The following PEG3 variants were observed in gnomAD, a reference collection of about 807,000 sequenced individuals.
The protein encoded by PEG3 is paternally-expressed gene 3 protein.
A neutral mutation model predicts 35.5 loss-of-function variants in PEG3; 23 were observed. The ratio of observed to expected loss-of-function variants is 0.65; its 90% CI spans 0.47 to 0.92. The LOEUF (loss-of-function observed/expected upper bound fraction) is 0.92, where lower values mean the gene tolerates loss of function less well. PEG3 is among the 40% of genes least tolerant of loss of function. PEG3 has a pLI of 0.00. For missense variants in PEG3, 1,960 were observed against 1,985.3 expected (o/e 0.99, Z 0.24); for synonymous variants, 707 against 697.0 (o/e 1.01, Z -0.23).
intron 3 of PEG3, among the ~76,000 whole-genome samples, chr19:56,825,349 A>G (rs1043540490): frequency 3.3e-5 from 5 of 152,252 alleles, no homozygotes; most frequent in African/African-American, 1.2e-4. Context: ...GTGAGAAGTG[A>G]CCATTGAGCC....
At chr19:56,840,147 G>A (rs930669695) in intron 1 of PEG3, among the ~76,000 whole-genome samples, 44 of 152,312 alleles carry the variant, frequency 2.9e-4, no homozygotes, top group African/African-American at 1.0e-3. Context: ...CCCGAGAGCC[G>A]CATTCCGCCG....
intron 7 of PEG3, among the ~76,000 whole-genome samples, chr19:56,819,223 G>A (rs117979060): frequency 0.012 from 1,826 of 152,234 alleles, 18 homozygotes; most frequent in Non-Finnish European, 0.017. Flanking sequence ...GAAGACATCT[G>A]GTCAGGATGT....
In PEG3 at chr19:56,836,049, T is replaced by A; in HGVS notation, c.-194A>T. On this transcript the variant is annotated 5_prime_UTR_variant, in exon 2 of 10. Transcript: ENST00000326441. ...CCAGCCACCTAGCGTTTGGACCTAGTCCCTCTTCCTCTCGCCAGTCGTCTC... is the reference window on the plus strand; with the variant it reads ...CCAGCCACCTAGCGTTTGGACCTAGACCCTCTTCCTCTCGCCAGTCGTCTC... 2.0e-6 allele frequency: 1 copy of A among 509,796 alleles called. No individual in the cohort carries two copies. Among genetic ancestry groups the A allele is most frequent in the South Asian group, 1.4e-5 (1 of 69,142 alleles). 31.6% of individuals were successfully genotyped at this position (509,796 alleles called of 1,614,324 possible).
chr19:56,822,809 C>T lies in PEG3; in HGVS notation c.509G>A (p.Arg170Lys), dbSNP rs1173724173. 2 of 1,614,020 alleles carry T rather than the reference C, an allele frequency of 1.2e-6. No homozygotes were observed. The highest frequency in any genetic ancestry group is 1.3e-5 in the African/African-American group (1 of 74,936). ...GTCTCGTGGCTCCATGTCTCTGCTT[C>T]TGCCCCTCCGGTCCCAGTCCCGGTC... Reference protein sequence around the residue: ...FSDRDWDRRGRSRDMEPRDRW... With the variant: ...FSDRDWDRRGKSRDMEPRDRW... Residue 170 changes from arginine to lysine, a missense_variant, in exon 6 of 10, where the codon AGA (arginine) becomes AAA (lysine). Physicochemically the swap from Arg to Lys is conservative, Grantham distance 26 (BLOSUM62 2). This residue lies in a region of PEG3 where 613 missense variants were observed against 577.1 expected (regional missense o/e 1.06). Coordinates refer to ENST00000326441, the MANE Select transcript of PEG3 (RefSeq NM_006210.3).
At position 56,814,112 on chromosome 19, in the gene PEG3, C is replaced by G. The variant is rs150561309; in HGVS notation, c.4330G>C (p.Glu1444Gln). 1 of 1,614,034 alleles carries G rather than the reference C, an allele frequency of 6.2e-7. No homozygotes were observed. The highest frequency in any genetic ancestry group is 1.3e-5 in the African/African-American group (1 of 74,926). ...TCATCAGCATCCCCATTTGGCTGCT[C>G]GGCCTCTCCATTTGGCTGTCCAGCC... The part of the protein sequence containing the change: ...GEAGQPNGEA[E>Q]QPNGDADEPD... Residue 1444 changes from glutamate to glutamine, a missense_variant, in exon 10 of 10, where the codon GAG (glutamate) becomes CAG (glutamine). Physicochemically the swap from Glu to Gln is conservative, Grantham distance 29 (BLOSUM62 2). Transcript: ENST00000326441. This position sits in a 1 kb window ranked among gnomAD's most constrained non-coding sequence, Gnocchi z 5.8.
chr19:56,829,794 T>G lies in PEG3; in HGVS notation c.-162-3331A>C, dbSNP rs555845371. Among the ~76,000 whole-genome samples, 5 of 152,306 alleles carry G rather than the reference T, an allele frequency of 3.3e-5. No individual in the cohort carries two copies. In the South Asian group the frequency reaches 1.0e-3, roughly 32 times the overall value. ...GGCCACATACTTACCTCACCCTGAC[T>G]GGGGAAGACCAGATCCCACGTGACC... On this transcript the variant is annotated intron_variant, in intron 2 of 9. Transcript: ENST00000326441.
intron 1 of PEG3, 25 bp downstream of exon 1, chr19:56,840,557 G>T (rs2062905519): frequency 6.6e-6 from 1 of 152,306 alleles, no homozygotes; most frequent in Non-Finnish European, 1.5e-5. Flanking sequence ...CAGGAGGCGC[G>T]CGGGGCGGCC....
At chr19:56,824,876 A>G (rs2060870398) in intron 3 of PEG3, 135 bp from the exon 4 acceptor site, 3 of 529,520 alleles carry the variant, frequency 5.7e-6, no homozygotes, top group Non-Finnish European at 6.8e-6. Flanking sequence ...AACCGCACAA[A>G]GTTGGCCTCA....
At chr19:56,821,601 G>A (rs748842216) in intron 7 of PEG3, 50 bp downstream of exon 7, 22 of 1,602,332 alleles carry the variant, frequency 1.4e-5, no homozygotes, top group South Asian at 1.1e-5. Context: ...AGGCGTCTCT[G>A]CCATGAAATG....
intron 7 of PEG3, among the ~76,000 whole-genome samples, chr19:56,820,619 G>C (rs909108493): frequency 1.3e-5 from 2 of 152,076 alleles, no homozygotes; most frequent in Non-Finnish European, 2.9e-5. Context: ...CGTGCTCCTG[G>C]CTCTAAATGG....
chr19:56,814,624 T>C lies in PEG3; in HGVS notation c.3818A>G (p.Gln1273Arg), dbSNP rs1482862557. 6.2e-7 allele frequency: 1 copy of C among 1,614,168 alleles called. No individual in the cohort carries two copies. The highest frequency in any genetic ancestry group is 1.1e-5 in the South Asian group (1 of 91,080). The change falls in exon 10 of 10, where the codon CAG becomes CGG. Residue 1273 changes from glutamine to arginine, a missense_variant. Around this residue, in one of 5 missense-constraint regions of PEG3, gnomAD observed 416 missense variants for 416.7 expected, o/e 1.00. Coordinates refer to ENST00000326441, the MANE Select transcript of PEG3 (RefSeq NM_006210.3). This position sits in a 1 kb window ranked among gnomAD's most constrained non-coding sequence, Gnocchi z 5.8. ...IIPGLALTEF[Q>R]RSQTEERLFE... is the part of the protein sequence containing the mutation. ...GAGTCTCTCTTCGGTCTGACTTCTCTGAAACTCAGTGAGGGCTAAGCCTGG... is the reference window on the plus strand; with the variant it reads ...GAGTCTCTCTTCGGTCTGACTTCTCCGAAACTCAGTGAGGGCTAAGCCTGG...
At position 56,811,896 on chromosome 19, in the gene PEG3, G is replaced by C. The variant is rs757507442; in HGVS notation, c.*1779C>G. The stretch of plus-strand genomic sequence containing the variant: ...TCTGTCTGTCTCCTCTCCCCTCCTA[G>C]ATCTGGTGATATATTAGGACTCCCT... On this transcript the variant is annotated 3_prime_UTR_variant, in exon 10 of 10. Transcript: ENST00000326441. 140 of 984,864 alleles carry C rather than the reference G, an allele frequency of 1.4e-4. No individual in the cohort carries two copies. The highest frequency in any genetic ancestry group is 1.6e-4 in the Non-Finnish European group (135 of 829,640). The allele number at this position is 984,864 out of a possible 1,614,324, so 61.0% of individuals were successfully genotyped here.
At position 56,824,299 on chromosome 19, in the gene PEG3, A is replaced by C. The variant is rs747855807; in HGVS notation, c.357T>G (p.Thr119=). The C allele has an allele frequency of 1.4e-5, 22 of 1,613,912 alleles. No individual in the cohort carries two copies. The Admixed American group carries it at 1.7e-4, about 12-fold the overall frequency. Residue 119 remains threonine (T), a synonymous_variant, in exon 4 of 10, where the codon ACT becomes ACG. Coordinates refer to ENST00000326441, the MANE Select transcript of PEG3 (RefSeq NM_006210.3). Reference sequence around the variant, plus strand: ...ACATCTCCTTGTAATTCTCCAGCAGAGTGACGAGCTTCTCACAGTTCTCCG... The same window carrying C: ...ACATCTCCTTGTAATTCTCCAGCAGCGTGACGAGCTTCTCACAGTTCTCCG... The part of the protein sequence containing the change: ...KKPENCEKLV[T]LLENYKEMYQ...
At chr19:56,836,969 CAAAAAAAAAAAAAAAAAA>C (rs573566620) in intron 1 of PEG3, among the ~76,000 whole-genome samples, 2,202 of 117,010 alleles carry the variant, frequency 0.019, 34 homozygotes, top group South Asian at 0.03. Flanking sequence ...GACTCTGTCT[CAAAAAAAAAAAAAAAAAA>C]AAAAAAAAAA....
intron 2 of PEG3, among the ~76,000 whole-genome samples, chr19:56,830,121 C>T (rs986290572): frequency 5.3e-5 from 8 of 152,222 alleles, no homozygotes; most frequent in African/African-American, 1.9e-4. Flanking sequence ...CAACAGAGCA[C>T]CTGTATTTAT....
At chr19:56,837,568 G>A (rs1275582872) in intron 1 of PEG3, among the ~76,000 whole-genome samples, 7 of 152,190 alleles carry the variant, frequency 4.6e-5, no homozygotes, top group Non-Finnish European at 8.8e-5. Flanking sequence ...TGGCTTTGGC[G>A]CCCCCTGGAG....
chr19:56,817,653 C>T lies in PEG3; in HGVS notation c.863-74G>A, dbSNP rs563430574. The T allele has an allele frequency of 4.6e-6, 7 of 1,518,234 alleles. No individual in the cohort carries two copies. In the East Asian group the frequency reaches 1.6e-4, roughly 34 times the overall value. 94.0% of individuals were successfully genotyped at this position (1,518,234 alleles called of 1,614,324 possible). Reference sequence around the variant, plus strand: ...ACAGTGGGACTTGGAGGGGTGCACCCTTCTGTGATGTTTAGGAATGCAAAG... The same window carrying T: ...ACAGTGGGACTTGGAGGGGTGCACCTTTCTGTGATGTTTAGGAATGCAAAG... On this transcript the variant is annotated intron_variant, in intron 9 of 9. Transcript: ENST00000326441.
intron 2 of PEG3, chr19:56,833,060 T>TG: frequency 2.2e-6 from 1 of 453,368 alleles, no homozygotes; most frequent in Non-Finnish European, 4.4e-6. Context: ...GATGGGTCAG[T>TG]GTTCAACTGA....
intron 7 of PEG3, among the ~76,000 whole-genome samples, 170 bp downstream of exon 7, chr19:56,821,481 C>G (rs2060481440): frequency 6.6e-6 from 1 of 152,190 alleles, no homozygotes; most frequent in Non-Finnish European, 1.5e-5. Context: ...CCAGCAGCAA[C>G]CTGGGCTACT....
Sources: gnomAD v4.1 joint callset for allele counts (sites outside exome capture counted in the v4.1 genomes callset) on GRCh38, gnomAD v4.1.1 for gene constraint, gnomAD v4.1.1 regional missense constraint, Gnocchi (gnomAD v3.1) non-coding constraint, MANE v1.5 for transcripts, NCBI Gene and HGNC (gene_info 2026-07-23, HGNC 2026-07-21) for gene names.